Variants in GCH1 observed in about 807,000 individuals in gnomAD.
GCH1 encodes the protein GTP cyclohydrolase 1, also known as GTP cyclohydrolase I.
A neutral mutation model predicts 25.9 loss-of-function variants in GCH1; 5 were observed. The ratio of observed to expected loss-of-function variants is 0.19; its 90% CI spans 0.10 to 0.41. The LOEUF is 0.41. Ranked by LOEUF, GCH1 falls within the 10% of genes least tolerant of loss-of-function variation. The probability of loss-of-function intolerance (pLI) is 1.00; values close to 1 mark genes in which losing one functional copy is unlikely to be tolerated. For missense variants in GCH1, 261 were observed against 336.5 expected, an observed-to-expected ratio of 0.78 and a Z score of 1.75; for synonymous variants, 159 against 129.6, an observed-to-expected ratio of 1.23 and a Z score of -1.54.
At chr14:54,887,429 C>T (rs572998861) in intron 1 of GCH1, among the ~76,000 whole-genome samples, 1 of 151,942 alleles carries the variant, frequency 6.6e-6, no homozygotes, top group Non-Finnish European at 1.5e-5. Context: ...AACAAACAAA[C>T]AAAAATCATA....
intron 3 of GCH1, among the ~76,000 whole-genome samples, chr14:54,858,313 T>C (rs1186418519): frequency 6.6e-6 from 1 of 152,028 alleles, no homozygotes; most frequent in Non-Finnish European, 1.5e-5. Flanking sequence ...TGAGATAGGG[T>C]CTTACTCCAT....
intron 1 of GCH1, among the ~76,000 whole-genome samples, chr14:54,874,556 C>T (rs538021656): frequency 1.3e-5 from 2 of 152,208 alleles, no homozygotes; most frequent in Admixed American, 6.5e-5. Flanking sequence ...TCAAATGGTC[C>T]CTGTTTGCAG....
At chr14:54,855,725 A>G (rs1429040579) in intron 3 of GCH1, among the ~76,000 whole-genome samples, 3 of 151,722 alleles carry the variant, frequency 2.0e-5, no homozygotes, top group African/African-American at 7.3e-5. Flanking sequence ...GAGGCAGGAG[A>G]ATCACTTGAA....
chr14:54,882,931 T>C lies in GCH1; in HGVS notation c.344-17495A>G, dbSNP rs535857714. Among the ~76,000 whole-genome samples the C allele has an allele frequency of 3.9e-5, 6 of 152,286 alleles. No individual in the cohort carries two copies. The South Asian group carries it at 6.2e-4, about 16-fold the overall frequency. ...AATCAACAGGGAGTTTTGGAAAATATAGCGTCCCAAGCTACCCAGCAAAAA... is the reference window on the plus strand; with the variant it reads ...AATCAACAGGGAGTTTTGGAAAATACAGCGTCCCAAGCTACCCAGCAAAAA... On this transcript the variant is annotated intron_variant, in intron 1 of 5. Coordinates refer to ENST00000491895, the MANE Select transcript of GCH1 (RefSeq NM_000161.3).
At chr14:54,860,807 G>A (rs909595819) in intron 2 of GCH1, among the ~76,000 whole-genome samples, 4 of 152,116 alleles carry the variant, frequency 2.6e-5, no homozygotes, top group Non-Finnish European at 5.9e-5. Context: ...CCAAAGAGTT[G>A]GGATTACAGG....
At chr14:54,865,227 A>G in intron 2 of GCH1, 100 bp downstream of exon 2, 1 of 668,162 alleles carries the variant, frequency 1.5e-6, no homozygotes, top group Non-Finnish European at 2.7e-6. Context: ...AATACCTGAG[A>G]TATCAGCAAT....
chr14:54,896,778 G>A (rs2040490114), intron 1 of GCH1, among the ~76,000 whole-genome samples: 2 of 151,454 alleles, frequency 1.3e-5, no homozygotes, highest in South Asian at 4.2e-4. Flanking sequence ...AAATTAGCCG[G>A]GTGTGGTAGC....
intron 1 of GCH1, among the ~76,000 whole-genome samples, chr14:54,879,844 G>T (rs1432241586): frequency 6.6e-6 from 1 of 151,986 alleles, no homozygotes; most frequent in Admixed American, 6.6e-5. Context: ...AATTAGCTGG[G>T]TGTGGTGGCA....
intron 3 of GCH1, among the ~76,000 whole-genome samples, chr14:54,852,571 C>T (rs1451862007): frequency 6.6e-6 from 1 of 152,186 alleles, no homozygotes; most frequent in African/African-American, 2.4e-5. Flanking sequence ...AGGAAACTCA[C>T]AGATGTGGGA....
intron 1 of GCH1, among the ~76,000 whole-genome samples, chr14:54,880,530 TATAC>T (rs1244486493): frequency 2.1e-5 from 2 of 95,956 alleles, no homozygotes; most frequent in African/African-American, 9.5e-5. Context: ...TATATATATA[TATAC>T]TCCATATATA....
intron 1 of GCH1, among the ~76,000 whole-genome samples, chr14:54,876,681 A>G (rs1325952886): frequency 6.6e-6 from 1 of 152,036 alleles, no homozygotes. Context: ...CATAATAATA[A>G]TAATAATTTT....
chr14:54,889,084 A>G (rs2040392414), intron 1 of GCH1, among the ~76,000 whole-genome samples: 1 of 152,220 alleles, frequency 6.6e-6, no homozygotes, highest in Non-Finnish European at 1.5e-5. Context: ...CAGCACTAAC[A>G]GCTGGAGGCT....
chr14:54,863,174 C>T (rs1007034193), intron 2 of GCH1, among the ~76,000 whole-genome samples: 2 of 152,136 alleles, frequency 1.3e-5, no homozygotes, highest in African/African-American at 4.8e-5. Context: ...AATCCCAGCA[C>T]TTTGGGAGGC....
At chr14:54,902,184 C>A in intron 1 of GCH1, 137 bp downstream of exon 1, 1 of 918,466 alleles carries the variant, frequency 1.1e-6, no homozygotes, top group Non-Finnish European at 1.7e-6. Context: ...CAGGCTAGGG[C>A]GGGTTCGGAG....
intron 2 of GCH1, among the ~76,000 whole-genome samples, chr14:54,864,151 C>T (rs2039959446): frequency 6.6e-6 from 1 of 152,092 alleles, no homozygotes; most frequent in Non-Finnish European, 1.5e-5. Context: ...CATGAACCAC[C>T]GTGCCAGCCT....
intron 2 of GCH1, among the ~76,000 whole-genome samples, chr14:54,860,521 G>C (rs1249672912): frequency 1.3e-5 from 2 of 150,330 alleles, no homozygotes; most frequent in African/African-American, 2.4e-5. Flanking sequence ...TAAGCTGCTA[G>C]AGAGTGCACC....
chr14:54,879,297 C>T (rs569192640), intron 1 of GCH1, among the ~76,000 whole-genome samples: 99 of 151,782 alleles, frequency 6.5e-4, no homozygotes, highest in African/African-American at 2.2e-3. Flanking sequence ...GCCATGCACC[C>T]GTAGTCCCAG....
intron 1 of GCH1, among the ~76,000 whole-genome samples, chr14:54,883,928 G>A (rs1223985327): frequency 1.3e-5 from 2 of 152,198 alleles, no homozygotes; most frequent in Non-Finnish European, 2.9e-5. Flanking sequence ...CCTCTACGTG[G>A]TTCTTTTTGC....
At chr14:54,854,701 T>G (rs75723464) in intron 3 of GCH1, among the ~76,000 whole-genome samples, 2 of 152,200 alleles carry the variant, frequency 1.3e-5, no homozygotes, top group East Asian at 3.9e-4. Flanking sequence ...AATAACTCAG[T>G]GGAAAAATTA....
Sources: allele counts gnomAD v4.1 joint callset (sites outside exome capture counted in the v4.1 genomes callset), GRCh38; gene constraint gnomAD v4.1.1; transcripts MANE v1.5; gene names NCBI Gene and HGNC (gene_info 2026-07-23, HGNC 2026-07-21).